SLC35F3: variants seen among roughly 807,000 people sequenced by gnomAD.
SLC35F3 encodes putative thiamine transporter SLC35F3.
Under a neutral mutation model 49.9 loss-of-function variants are expected in SLC35F3, and 25 were observed. The ratio of observed to expected loss-of-function variants is 0.50; its 90% CI spans 0.37 to 0.70. The LOEUF (loss-of-function observed/expected upper bound fraction) is 0.70, where lower values mean the gene tolerates loss of function less well. Ranked by LOEUF, SLC35F3 falls within the 30% of genes least tolerant of loss-of-function variation. The probability of loss-of-function intolerance (pLI) is 0.00; values close to 1 mark genes in which losing one functional copy is unlikely to be tolerated. For missense variants in SLC35F3, 525 were observed against 639.8 expected (o/e 0.82, Z 1.94); for synonymous variants, 275 against 265.4 (o/e 1.04, Z -0.35).
At chr1:234,228,135 G>A (rs1312340704) in intron 2 of SLC35F3, among the ~76,000 whole-genome samples, 1 of 152,194 alleles carries the variant, frequency 6.6e-6, no homozygotes, top group Non-Finnish European at 1.5e-5. Context: ...CCTGTGGCAT[G>A]TCTAACCAAA....
At chr1:234,032,706 A>C (rs1397977849) in intron 2 of SLC35F3, among the ~76,000 whole-genome samples, 1 of 152,096 alleles carries the variant, frequency 6.6e-6, no homozygotes, top group Non-Finnish European at 1.5e-5. Flanking sequence ...TTTGTGGCTG[A>C]GTTATTTTTT....
chr1:234,127,601 GT>G (rs1463058393), intron 2 of SLC35F3, among the ~76,000 whole-genome samples: 1 of 152,230 alleles, frequency 6.6e-6, no homozygotes, highest in Non-Finnish European at 1.5e-5. Context: ...AACAAGGAGT[GT>G]TTTTTTAATG....
intron 2 of SLC35F3, among the ~76,000 whole-genome samples, chr1:234,162,377 T>G (rs1666241154): frequency 1.2e-5 from 1 of 80,074 alleles, no homozygotes; most frequent in Non-Finnish European, 2.1e-5. Context: ...ACTAAGCCTC[T>G]GTGCAAAAAA....
intron 2 of SLC35F3, among the ~76,000 whole-genome samples, chr1:234,010,127 G>A (rs576367333): frequency 9.2e-5 from 14 of 152,178 alleles, no homozygotes; most frequent in African/African-American, 3.4e-4. Flanking sequence ...TCTAGTACGA[G>A]GCTTAAAAGA....
At chr1:233,980,363 C>T (rs375585669) in intron 2 of SLC35F3, among the ~76,000 whole-genome samples, 6 of 152,286 alleles carry the variant, frequency 3.9e-5, no homozygotes, top group African/African-American at 1.4e-4. Flanking sequence ...ATAAAAAGCC[C>T]AGGACTTAAA....
intron 2 of SLC35F3, among the ~76,000 whole-genome samples, chr1:234,067,943 A>G (rs1418281732): frequency 6.6e-6 from 1 of 152,104 alleles, no homozygotes; most frequent in Non-Finnish European, 1.5e-5. Context: ...TTTGGTGAAG[A>G]CCTCTGAAAT....
At chr1:234,253,591 A>G (rs1667771919) in intron 3 of SLC35F3, among the ~76,000 whole-genome samples, 1 of 152,136 alleles carries the variant, frequency 6.6e-6, no homozygotes, top group African/African-American at 2.4e-5. Context: ...TAAATGCATT[A>G]TGTTGTCAAA....
chr1:234,297,936 A>G (rs1275309655), intron 3 of SLC35F3, among the ~76,000 whole-genome samples: 1 of 152,180 alleles, frequency 6.6e-6, no homozygotes, highest in Admixed American at 6.5e-5. Flanking sequence ...ATATACTTAA[A>G]TACGTGCTAA....
chr1:233,950,855 T>C (rs1280901818), intron 2 of SLC35F3, among the ~76,000 whole-genome samples: 7 of 152,012 alleles, frequency 4.6e-5, no homozygotes, highest in African/African-American at 7.2e-5. Flanking sequence ...TGGTTTTTTT[T>C]CCCCCTGCAA....
intron 3 of SLC35F3, among the ~76,000 whole-genome samples, chr1:234,236,925 T>TTA (rs55846915): frequency 0.048 from 4,607 of 95,272 alleles, 243 homozygotes; most frequent in East Asian, 0.098. Flanking sequence ...AAAAAAAAAA[T>TTA]TATATATATA....
chr1:234,283,599 G>A (rs149387823), intron 3 of SLC35F3, among the ~76,000 whole-genome samples: 134 of 152,294 alleles, frequency 8.8e-4, no homozygotes, highest in African/African-American at 3.1e-3. Context: ...TGGCTGCTAC[G>A]GAAAGATAGC....
chr1:234,211,832 T>C (rs561177690), intron 2 of SLC35F3, among the ~76,000 whole-genome samples: 1 of 152,218 alleles, frequency 6.6e-6, no homozygotes, highest in East Asian at 1.9e-4. Context: ...GCAAGATTGG[T>C]TTTGAAATAT....
intron 2 of SLC35F3, among the ~76,000 whole-genome samples, chr1:234,215,476 G>T (rs1320513284): frequency 6.6e-6 from 1 of 152,202 alleles, no homozygotes; most frequent in Non-Finnish European, 1.5e-5. Context: ...AAGCCACCTT[G>T]GCCAGGTGAG....
At chr1:233,915,390 C>T (rs995917209) in intron 2 of SLC35F3, among the ~76,000 whole-genome samples, 6 of 152,092 alleles carry the variant, frequency 3.9e-5, no homozygotes, top group Non-Finnish European at 8.8e-5. Flanking sequence ...ATTAAGATGT[C>T]CTGTTCTTAG....
chr1:234,138,636 C>G (rs768357329), intron 2 of SLC35F3, among the ~76,000 whole-genome samples: 13 of 152,168 alleles, frequency 8.5e-5, no homozygotes, highest in Non-Finnish European at 1.8e-4. Context: ...CAGCCTTGAC[C>G]TCCTGTGCAC....
chr1:234,080,323 C>T (rs1017339388), intron 2 of SLC35F3, among the ~76,000 whole-genome samples: 1 of 152,126 alleles, frequency 6.6e-6, no homozygotes, highest in Non-Finnish European at 1.5e-5. Flanking sequence ...TATTACATTA[C>T]AGTATCACAG....
Position 234,063,481 on chromosome 1 carries a change from C to T in SLC35F3, c.283+157723C>T, listed in dbSNP as rs370392299. 2.6e-5 allele frequency among the ~76,000 whole-genome samples: 4 copies of T among 152,146 alleles called. No individual in the cohort carries two copies. The East Asian group carries it at 7.7e-4, about 29-fold the overall frequency. On this transcript the variant is annotated intron_variant, in intron 2 of 7. Coordinates refer to ENST00000366618, the MANE Select transcript of SLC35F3 (RefSeq NM_173508.4). ...GGGGTGATTACCCCTATCTTGTCTC[C>T]TGCTAAACTACAGAGGTTTGGGGAG...
intron 2 of SLC35F3, among the ~76,000 whole-genome samples, chr1:234,230,655 G>A (rs2102950178): frequency 6.6e-6 from 1 of 152,318 alleles, no homozygotes; most frequent in East Asian, 1.9e-4. Context: ...CTGCCGCAGA[G>A]CCAAGCTTTG....
chr1:233,986,124 T>C lies in SLC35F3; in HGVS notation c.283+80366T>C, dbSNP rs372412039. Among the ~76,000 whole-genome samples the C allele has an allele frequency of 1.1e-4, 17 of 152,342 alleles. No homozygotes were observed. The East Asian group carries it at 3.1e-3, about 28-fold the overall frequency. ...TGGGAAGAGAAAATGAGTTAAATCA[T>C]GTAGAGTGCTTCAAACACAATATAT... On this transcript the variant is annotated intron_variant, in intron 2 of 7. Coordinates refer to ENST00000366618, the MANE Select transcript of SLC35F3 (RefSeq NM_173508.4).
Sources: allele counts gnomAD v4.1 joint callset (sites outside exome capture counted in the v4.1 genomes callset), GRCh38; gene constraint gnomAD v4.1.1; transcripts MANE v1.5; gene names NCBI Gene and HGNC (gene_info 2026-07-23, HGNC 2026-07-21).